SUPT3H: variants seen among roughly 807,000 people sequenced by gnomAD.
SUPT3H encodes the protein transcription initiation protein SPT3 homolog.
In SUPT3H, 44 loss-of-function variants were observed where a neutral mutation model predicts 44.3. The ratio of observed to expected loss-of-function variants is 0.99; its 90% CI spans 0.78 to 1.28. The LOEUF (loss-of-function observed/expected upper bound fraction) is 1.28. Ranked by LOEUF, SUPT3H falls within the 50% of genes most tolerant of loss-of-function variation. SUPT3H has a pLI of 0.00. For synonymous variants in SUPT3H, 124 were observed against 125.6 expected (o/e 0.99, Z 0.09); for missense variants, 380 against 387.1 (o/e 0.98, Z 0.15).
intron 6 of SUPT3H, among the ~76,000 whole-genome samples, chr6:44,980,307 G>A (rs1350108329): frequency 6.6e-6 from 1 of 151,280 alleles, no homozygotes; most frequent in African/African-American, 2.4e-5. Flanking sequence ...TAAGTTCTCG[G>A]AAACTGAAAA....
intron 1 of SUPT3H, among the ~76,000 whole-genome samples, chr6:45,377,123 A>C (rs1796906336): frequency 6.6e-6 from 1 of 152,052 alleles, no homozygotes; most frequent in Non-Finnish European, 1.5e-5. Flanking sequence ...GAACTCCTAA[A>C]ACGTGGAGAG....
intron 2 of SUPT3H, among the ~76,000 whole-genome samples, chr6:45,221,831 T>G (rs192354558): frequency 6.6e-6 from 1 of 152,238 alleles, no homozygotes; most frequent in East Asian, 1.9e-4. Context: ...AAAACAATCT[T>G]ATAAAAGAAG....
At chr6:44,837,800 T>C (rs1770190980) in intron 10 of SUPT3H, among the ~76,000 whole-genome samples, 1 of 152,254 alleles carries the variant, frequency 6.6e-6, no homozygotes, top group African/African-American at 2.4e-5. Context: ...CCAAAAATTA[T>C]AATCAACAGT....
chr6:44,906,512 G>A (rs910762913), intron 10 of SUPT3H, among the ~76,000 whole-genome samples: 4 of 151,978 alleles, frequency 2.6e-5, no homozygotes, highest in South Asian at 2.1e-4. Flanking sequence ...GCCTGTAATC[G>A]CAGCGCTTTG....
chr6:45,050,860 T>A (rs541446342), intron 3 of SUPT3H, among the ~76,000 whole-genome samples: 1 of 151,056 alleles, frequency 6.6e-6, no homozygotes, highest in East Asian at 2.0e-4. Context: ...TGTCCTTGTG[T>A]GTATAAGAGG....
intron 1 of SUPT3H, among the ~76,000 whole-genome samples, chr6:45,366,456 C>T (rs1795145886): frequency 6.6e-6 from 1 of 152,120 alleles, no homozygotes; most frequent in African/African-American, 2.4e-5. Flanking sequence ...ACTGATAGCA[C>T]ACAGTGGATA....
At chr6:44,913,600 CTCTTT>C (rs923394767) in intron 10 of SUPT3H, among the ~76,000 whole-genome samples, 1 of 152,140 alleles carries the variant, frequency 6.6e-6, no homozygotes, top group Non-Finnish European at 1.5e-5. Flanking sequence ...GACGTCTAGA[CTCTTT>C]TCTTAATTGA....
rs77973442 is a variant in SUPT3H at position 44,907,225 on chromosome 6, G to C, written c.912+25428C>G. 6.5e-3 allele frequency among the ~76,000 whole-genome samples: 991 copies of C among 152,268 alleles called. 12 individuals carry two copies. The highest frequency in any genetic ancestry group is 0.023 in the African/African-American group (936 of 41,534). On this transcript the variant is annotated intron_variant, in intron 10 of 10. Transcript: ENST00000371459. ...TGTTTATTTTCACTATATTTAATCT[G>C]AGTAATTTTTCACCTCCTTTACGGG...
intron 3 of SUPT3H, among the ~76,000 whole-genome samples, chr6:45,021,834 C>CA (rs1785178425): frequency 6.6e-6 from 1 of 151,890 alleles, no homozygotes; most frequent in Non-Finnish European, 1.5e-5. Context: ...GTCAGCTTTA[C>CA]CACTGAATTT....
At chr6:45,092,939 C>T (rs750158209) in intron 3 of SUPT3H, among the ~76,000 whole-genome samples, 185 of 151,940 alleles carry the variant, frequency 1.2e-3, no homozygotes, top group Non-Finnish European at 2.4e-3. Context: ...GATGTGAGAA[C>T]GACTAGAATT....
chr6:44,867,310 G>A (rs551369524), intron 10 of SUPT3H, among the ~76,000 whole-genome samples: 2 of 151,978 alleles, frequency 1.3e-5, no homozygotes, highest in Non-Finnish European at 2.9e-5. Context: ...CATCATCACA[G>A]TCAGTTAATT....
At chr6:45,207,862 C>T (rs1763436373) in intron 2 of SUPT3H, among the ~76,000 whole-genome samples, 1 of 152,170 alleles carries the variant, frequency 6.6e-6, no homozygotes, top group Non-Finnish European at 1.5e-5. Flanking sequence ...CCTCAAGATG[C>T]AACAAAATTG....
chr6:45,155,658 G>C (rs977500835), intron 2 of SUPT3H, among the ~76,000 whole-genome samples: 1 of 152,214 alleles, frequency 6.6e-6, no homozygotes, highest in South Asian at 2.1e-4. Flanking sequence ...ACCTAAAAGA[G>C]AGCATGAAGG....
At chr6:45,068,511 G>T (rs1793815743) in intron 3 of SUPT3H, among the ~76,000 whole-genome samples, 1 of 152,052 alleles carries the variant, frequency 6.6e-6, no homozygotes, top group African/African-American at 2.4e-5. Context: ...AAGGATAGGG[G>T]TAATCTCCTA....
At chr6:44,929,084 G>A (rs1380470768) in intron 10 of SUPT3H, among the ~76,000 whole-genome samples, 1 of 151,626 alleles carries the variant, frequency 6.6e-6, no homozygotes, top group Non-Finnish European at 1.5e-5. Context: ...TACTCCAGGA[G>A]CTACTACAAT....
At chr6:45,082,495 A>ATG (rs1448069577) in intron 3 of SUPT3H, among the ~76,000 whole-genome samples, 3 of 9,094 alleles carry the variant, frequency 3.3e-4, no homozygotes, top group Middle Eastern at 0.2. Context: ...TGTTCAACAT[A>ATG]TATGTCAATA....
chr6:44,905,257 T>C (rs1471652347), intron 10 of SUPT3H, among the ~76,000 whole-genome samples: 5 of 152,162 alleles, frequency 3.3e-5, no homozygotes, highest in Non-Finnish European at 7.3e-5. Context: ...AAGAAAATTT[T>C]TGCAATCTAC....
chr6:45,018,775 C>T (rs1027842566), intron 4 of SUPT3H, among the ~76,000 whole-genome samples: 2 of 151,896 alleles, frequency 1.3e-5, no homozygotes, highest in African/African-American at 4.8e-5. Context: ...ATTTTTGCAT[C>T]AATGTTCATC....
chr6:45,132,439 C>T (rs114547251), intron 2 of SUPT3H, among the ~76,000 whole-genome samples: 124 of 152,188 alleles, frequency 8.1e-4, no homozygotes, highest in African/African-American at 2.7e-3. Context: ...TTTCAACAGC[C>T]GTCCAACAAA....
Sources: allele counts gnomAD v4.1 joint callset (sites outside exome capture counted in the v4.1 genomes callset), GRCh38; gene constraint gnomAD v4.1.1; transcripts MANE v1.5; gene names NCBI Gene and HGNC (gene_info 2026-07-23, HGNC 2026-07-21).